The following EPCIP variants were observed in gnomAD, a reference collection of about 807,000 sequenced individuals.
EPCIP encodes the protein exosomal polycystin-1-interacting protein.
chr21:32,812,338 C>G, the EPCIP span, among the ~76,000 whole-genome samples: 1 of 152,156 alleles, frequency 6.6e-6, no homozygotes, highest in East Asian at 1.9e-4. Context: ...AACTGTGAGG[C>G]CTGCCTGTTC....
At chr21:32,809,344 C>CTTT in the EPCIP span, among the ~76,000 whole-genome samples, 20 of 77,748 alleles carry the variant, frequency 2.6e-4, no homozygotes, top group African/African-American at 7.5e-4. Context: ...TTCTTTCTTT[C>CTTT]CTCTTTCTTT....
chr21:32,796,105 T>C, the EPCIP span, among the ~76,000 whole-genome samples: 1 of 152,156 alleles, frequency 6.6e-6, no homozygotes, highest in South Asian at 2.1e-4. Flanking sequence ...GCATGCCCTC[T>C]GCTAGCCATG....
the EPCIP span, among the ~76,000 whole-genome samples, chr21:32,795,790 G>A: frequency 1.3e-5 from 2 of 152,230 alleles, no homozygotes; most frequent in African/African-American, 2.4e-5. Flanking sequence ...GCCAGGGATC[G>A]GGTAGACAGG....
chr21:32,794,807 C>T, the EPCIP span, among the ~76,000 whole-genome samples: 1 of 152,232 alleles, frequency 6.6e-6, no homozygotes, highest in Non-Finnish European at 1.5e-5. Flanking sequence ...AGACCTACCG[C>T]ATCCTATCTA....
the EPCIP span, chr21:32,798,067 G>A: frequency 2.6e-5 from 4 of 152,230 alleles, no homozygotes; most frequent in African/African-American, 9.6e-5. Flanking sequence ...GGGTGTGGTG[G>A]CTCATACCTG....
chr21:32,810,716 C>T, the EPCIP span: 3 of 469,494 alleles, frequency 6.4e-6, no homozygotes, highest in Admixed American at 2.3e-5. Context: ...TAGCTCCTGA[C>T]TGCATCATGC....
chr21:32,794,146 G>T, the EPCIP span: 4 of 1,614,232 alleles, frequency 2.5e-6, no homozygotes, highest in Non-Finnish European at 3.4e-6. Context: ...AGTTCAGCAG[G>T]TGGCCCAGCG....
the EPCIP span, chr21:32,793,866 T>C: frequency 1.2e-6 from 2 of 1,614,080 alleles, no homozygotes; most frequent in Non-Finnish European, 1.7e-6. Flanking sequence ...ACGTTTTCAA[T>C]ACTATATGAT....
chr21:32,813,537 A>G, the EPCIP span: 4 of 461,356 alleles, frequency 8.7e-6, no homozygotes, highest in Admixed American at 9.5e-5. Context: ...GAAGCTCTGA[A>G]AAACTGTCAG....
At chr21:32,811,568 T>C in the EPCIP span, among the ~76,000 whole-genome samples, 1 of 152,224 alleles carries the variant, frequency 6.6e-6, no homozygotes, top group Non-Finnish European at 1.5e-5. Context: ...TGGTGGAAAT[T>C]ACAGCGCTAT....
chr21:32,796,080 G>T, the EPCIP span, among the ~76,000 whole-genome samples: 10 of 148,692 alleles, frequency 6.7e-5, no homozygotes, highest in African/African-American at 2.0e-4. Context: ...ATGCTTATTG[G>T]AAGATTACTA....
At chr21:32,792,720 C>CT in the EPCIP span, among the ~76,000 whole-genome samples, 1 of 152,136 alleles carries the variant, frequency 6.6e-6, no homozygotes, top group African/African-American at 2.4e-5. Context: ...TTGTGTCCTC[C>CT]AATTTTCACT....
chr21:32,807,134 G>A, the EPCIP span, among the ~76,000 whole-genome samples: 109,294 of 152,012 alleles, frequency 0.72, 40,079 homozygotes, highest in East Asian at 0.91. Context: ...ACAATTCAAG[G>A]TGAGATTTGA....
the EPCIP span, chr21:32,797,259 A>G: frequency 3.7e-6 from 1 of 268,370 alleles, no homozygotes; most frequent in East Asian, 1.1e-4. Flanking sequence ...TCTATCATGA[A>G]TTTCTTTTTT....
At chr21:32,791,533 T>C in the EPCIP span, 2 of 152,190 alleles carry the variant, frequency 1.3e-5, no homozygotes, top group Admixed American at 1.3e-4. Context: ...TATTTTTTCT[T>C]TCACTTTAAC....
chr21:32,795,051 T>C, the EPCIP span, among the ~76,000 whole-genome samples: 3 of 152,204 alleles, frequency 2.0e-5, no homozygotes, highest in East Asian at 1.9e-4. Flanking sequence ...AATTTCTAAG[T>C]AGATAAACAT....
At chr21:32,795,801 C>A in the EPCIP span, among the ~76,000 whole-genome samples, 1 of 152,196 alleles carries the variant, frequency 6.6e-6, no homozygotes, top group African/African-American at 2.4e-5. Context: ...GGTAGACAGG[C>A]AGGAGGCACA....
chr21:32,809,051 G>GT, the EPCIP span, among the ~76,000 whole-genome samples: 22 of 151,186 alleles, frequency 1.5e-4, no homozygotes, highest in African/African-American at 4.6e-4. Context: ...TTCTTTTTTT[G>GT]TTTTTTTTAA....
At chr21:32,791,675 C>A in the EPCIP span, among the ~76,000 whole-genome samples, 3 of 151,654 alleles carry the variant, frequency 2.0e-5, no homozygotes, top group African/African-American at 7.3e-5. Context: ...AAATCCCCCA[C>A]CAATTAAGCA....
Sources: allele counts gnomAD v4.1 joint callset (sites outside exome capture counted in the v4.1 genomes callset), GRCh38; gene constraint gnomAD v4.1.1; transcripts MANE v1.5; gene names NCBI Gene and HGNC (gene_info 2026-07-23, HGNC 2026-07-21).